The following OR8D1 variants were observed in gnomAD, a reference collection of about 807,000 sequenced individuals.
OR8D1 encodes the protein olfactory receptor family 8 subfamily D member 1, also known as olfactory receptor 8D1.
For missense variants in OR8D1, 384 were observed against 366.8 expected (o/e 1.05, Z -0.38); for synonymous variants, 143 against 147.0 (o/e 0.97, Z 0.20).
rs1460971529 is a variant in OR8D1, at chr11:124,310,010, C to G, written c.757G>C (p.Gly253Arg). 1.2e-6 allele frequency: 2 copies of G among 1,600,180 alleles called. No individual in the cohort carries two copies. The highest frequency in any genetic ancestry group is 1.3e-5 in the African/African-American group (1 of 74,316). Residue 253 changes from glycine to arginine, a missense_variant, in exon 3 of 3, where the codon GGG becomes CGG. Gly to Arg is a moderately radical substitution (Grantham distance 125). Coordinates refer to ENST00000641015, the MANE Select transcript of OR8D1 (RefSeq NM_001002917.2). ...TTGAAATACATGAAGGTAATGGACCCAAAGAAGATCACCACAGCCATGAGA... is the reference window on the plus strand; with the variant it reads ...TTGAAATACATGAAGGTAATGGACCGAAAGAAGATCACCACAGCCATGAGA... The part of the protein sequence containing the change: ...SHLMAVVIFF[G>R]SITFMYFKPP...
rs201259313 is a variant in OR8D1 at position 124,310,636 on chromosome 11, C to T, written c.131G>A (p.Gly44Asp). The stretch of plus-strand genomic sequence containing the variant: ...GCTGACTGCAATCAGGAGAATCATG[C>T]CCAGGTTGCCCACTACTGTGACCAC... ...IYVVTVVGNLGMILLIAVSPL... is the reference protein window; with the variant it reads ...IYVVTVVGNLDMILLIAVSPL... The change falls in exon 3 of 3, where the codon GGC becomes GAC. Residue 44 changes from glycine to aspartate, a missense_variant. Physicochemically the swap from Gly to Asp is moderately conservative, Grantham distance 94. Transcript: ENST00000641015. 5.6e-6 allele frequency: 9 copies of T among 1,613,834 alleles called. No homozygotes were observed. The highest frequency in any genetic ancestry group is 7.6e-6 in the Non-Finnish European group (9 of 1,179,868).
chr11:124,303,753 T>G lies in OR8D1; in HGVS notation c.*6087A>C, dbSNP rs1862344181. ...TTTCTTATTTTTATATTATAATCAT[T>G]TCAAAATAATTACATATAGCAAAAT... On this transcript the variant is annotated 3_prime_UTR_variant, in exon 3 of 3. Coordinates refer to ENST00000641015, the MANE Select transcript of OR8D1 (RefSeq NM_001002917.2). 1 of 152,074 alleles carries G rather than the reference T, an allele frequency of 6.6e-6. No homozygotes were observed. The highest frequency in any genetic ancestry group is 2.4e-5 in the African/African-American group (1 of 41,544). The allele number at this position is 152,074 out of a possible 1,614,324, so 9.4% of individuals were successfully genotyped here.
In OR8D1 at chr11:124,309,826, C is replaced by A; in HGVS notation, c.*14G>T. On this transcript the variant is annotated 3_prime_UTR_variant, in exon 3 of 3. Transcript: ENST00000641015. The stretch of plus-strand genomic sequence containing the variant: ...TATTCATTTTTCCCATCTATAAATC[C>A]CCCAAATCAGGACTCATTTTCCTAC... 7.2e-7 allele frequency: 1 copy of A among 1,384,790 alleles called. No individual in the cohort carries two copies. The highest frequency in any genetic ancestry group is 2.2e-5 in the South Asian group (1 of 44,914). 85.8% of individuals were successfully genotyped at this position (1,384,790 alleles called of 1,614,324 possible). A position where few individuals can be genotyped will look rare whatever the true frequency, so the allele number is the denominator to read the frequency against.
chr11:124,310,798 G>A lies in OR8D1; in HGVS notation c.-16-16C>T. 6.5e-7 allele frequency: 1 copy of A among 1,541,172 alleles called. No homozygotes were observed. Among genetic ancestry groups the A allele is most frequent in the South Asian group, 1.2e-5 (1 of 84,352 alleles). The stretch of plus-strand genomic sequence containing the variant: ...TTAGGCATTTCTGTGAAAATAGAAA[G>A]TATGAATTACCTTAACATGGACCCT... On this transcript the variant is annotated splice_polypyrimidine_tract_variant and intron_variant, in intron 2 of 2. Transcript: ENST00000641015.
rs1862383169 is a variant in OR8D1 at position 124,308,154 on chromosome 11, C to G, written c.*1686G>C. 6.6e-6 allele frequency: 1 copy of G among 151,830 alleles called. No individual in the cohort carries two copies. Among genetic ancestry groups the G allele is most frequent in the East Asian group, 1.9e-4 (1 of 5,180 alleles). The allele number at this position is 151,830 out of a possible 1,614,324, so 9.4% of individuals were successfully genotyped here. A position where few individuals can be genotyped will look rare whatever the true frequency, so the allele number is the denominator to read the frequency against. On this transcript the variant is annotated 3_prime_UTR_variant, in exon 3 of 3. Coordinates refer to ENST00000641015, the MANE Select transcript of OR8D1 (RefSeq NM_001002917.2). Reference sequence around the variant, plus strand: ...GAAAGAATGCTTCAGTTTTATAACCCTAACAAGAGCAGAAGAAAAATGAGA... The same window carrying G: ...GAAAGAATGCTTCAGTTTTATAACCGTAACAAGAGCAGAAGAAAAATGAGA...
chr11:124,311,337 AG>A (rs1293037418), intron 2 of OR8D1, among the ~76,000 whole-genome samples: 2 of 152,124 alleles, frequency 1.3e-5, no homozygotes, highest in African/African-American at 4.8e-5. Context: ...CAGAAGTGGG[AG>A]TCTCCACATA....
rs1862372328 is a variant in OR8D1 at position 124,306,768 on chromosome 11, A to C, written c.*3072T>G. The C allele has an allele frequency of 6.6e-6, 1 of 151,886 alleles. No homozygotes were observed. The highest frequency in any genetic ancestry group is 2.4e-5 in the African/African-American group (1 of 41,376). 9.4% of individuals were successfully genotyped at this position (151,886 alleles called of 1,614,324 possible). On this transcript the variant is annotated 3_prime_UTR_variant, in exon 3 of 3. Transcript: ENST00000641015. Reference sequence around the variant, plus strand: ...TCTGTTTTTCTAAATCCTAGGGTATATGTAGGAAGAATGAGACACCTCTCC... The same window carrying C: ...TCTGTTTTTCTAAATCCTAGGGTATCTGTAGGAAGAATGAGACACCTCTCC...
In OR8D1 at chr11:124,310,577, T is replaced by A; in HGVS notation, c.190A>T (p.Ser64Cys). The change falls in exon 3 of 3, where the codon AGC becomes TGC. Residue 64 changes from serine (S) to cysteine (C), a missense_variant. Ser to Cys is a moderately radical substitution (Grantham distance 112, BLOSUM62 -1). Transcript: ENST00000641015. ...CAGAAATCGACGAAGGACAAGCTGC[T>A]GAGGAAATAGTACATGGGGGTGTGA... ...LLHTPMYYFL[S>C]SLSFVDFCYS... The A allele has an allele frequency of 6.2e-7, 1 of 1,613,914 alleles. No homozygotes were observed. Among genetic ancestry groups the A allele is most frequent in the Non-Finnish European group, 8.5e-7 (1 of 1,179,942 alleles).
rs1047207338 is a variant in OR8D1 at position 124,304,710 on chromosome 11, C to G, written c.*5130G>C. ...TGAAATGGCCTAATGTATTTGTAAG[C>G]CCTAGTATACAGTTCATATAAAGTT... is the stretch of plus-strand genomic sequence containing the variant. On this transcript the variant is annotated 3_prime_UTR_variant, in exon 3 of 3. Transcript: ENST00000641015. 6.6e-6 allele frequency: 1 copy of G among 151,606 alleles called. No individual in the cohort carries two copies. The highest frequency in any genetic ancestry group is 1.5e-5 in the Non-Finnish European group (1 of 67,828). 9.4% of individuals were successfully genotyped at this position (151,606 alleles called of 1,614,324 possible). A position where few individuals can be genotyped will look rare whatever the true frequency, so the allele number is the denominator to read the frequency against.
chr11:124,309,858 C>A lies in OR8D1; in HGVS notation c.909G>T (p.Lys303Asn). The change falls in exon 3 of 3, where the codon AAG becomes AAT. Residue 303 changes from lysine (K) to asparagine (N), a missense_variant. Transcript: ENST00000641015. Reference sequence around the variant, plus strand: ...TCAGGACTCATTTTCCTACTAAGACCTTCCTTAATGCTTTCTTCACATCCT... The same window carrying A: ...TCAGGACTCATTTTCCTACTAAGACATTCCTTAATGCTTTCTTCACATCCT... ...RNKDVKKALR[K>N]VLVGK 6.9e-7 allele frequency: 1 copy of A among 1,451,106 alleles called. No homozygotes were observed. The highest frequency in any genetic ancestry group is 9.1e-7 in the Non-Finnish European group (1 of 1,098,128). The allele number at this position is 1,451,106 out of a possible 1,614,324, so 89.9% of individuals were successfully genotyped here. A position where few individuals can be genotyped will look rare whatever the true frequency, so the allele number is the denominator to read the frequency against.
Position 124,309,827 on chromosome 11 carries a change from C to A in OR8D1, c.*13G>T, listed in dbSNP as rs951205238. The A allele has an allele frequency of 1.4e-6, 2 of 1,392,678 alleles. No individual in the cohort carries two copies. Among genetic ancestry groups the A allele is most frequent in the East Asian group, 2.4e-5 (1 of 42,388 alleles). 86.3% of individuals were successfully genotyped at this position (1,392,678 alleles called of 1,614,324 possible). On this transcript the variant is annotated 3_prime_UTR_variant, in exon 3 of 3. Transcript: ENST00000641015. ...ATTCATTTTTCCCATCTATAAATCC[C>A]CCAAATCAGGACTCATTTTCCTACT...
In OR8D1 at chr11:124,306,780, T is replaced by A. The variant is rs1862372449; in HGVS notation, c.*3060A>T. The A allele has an allele frequency of 6.6e-6, 1 of 152,142 alleles. No individual in the cohort carries two copies. The highest frequency in any genetic ancestry group is 6.6e-5 in the Admixed American group (1 of 15,248). 9.4% of individuals were successfully genotyped at this position (152,142 alleles called of 1,614,324 possible). A position where few individuals can be genotyped will look rare whatever the true frequency, so the allele number is the denominator to read the frequency against. On this transcript the variant is annotated 3_prime_UTR_variant, in exon 3 of 3. Transcript: ENST00000641015. ...AATCCTAGGGTATATGTAGGAAGAA[T>A]GAGACACCTCTCCTGGCTTCTGATG...
Position 124,303,677 on chromosome 11 carries a change from G to T in OR8D1, c.*6163C>A, listed in dbSNP as rs1383399313. 6.6e-6 allele frequency: 1 copy of T among 151,794 alleles called. No homozygotes were observed. The allele number at this position is 151,794 out of a possible 1,614,324, so 9.4% of individuals were successfully genotyped here. On this transcript the variant is annotated 3_prime_UTR_variant, in exon 3 of 3. Transcript: ENST00000641015. ...AGTTTTTTAATGTGGCTGTATTTAT[G>T]ATTCATTTTCTTTAAAAATTATGCT...
rs1438466347 is a variant in OR8D1, at chr11:124,310,351, C to G, written c.416G>C (p.Trp139Ser). ...AGCCAGCACTAGCAGTGAGCAGACC[C>G]ATGAGGACATGATCGCATTATAAAG... ...PLLYNAIMSS[W>S]VCSLLVLAAF... The change falls in exon 3 of 3, where the codon TGG becomes TCG. Residue 139 changes from tryptophan to serine, a missense_variant. Trp to Ser is a radical substitution (Grantham distance 177, BLOSUM62 -3). Coordinates refer to ENST00000641015, the MANE Select transcript of OR8D1 (RefSeq NM_001002917.2). 4 of 1,613,648 alleles carry G rather than the reference C, an allele frequency of 2.5e-6. No homozygotes were observed. The highest frequency in any genetic ancestry group is 3.4e-6 in the Non-Finnish European group (4 of 1,179,894).
At position 124,310,492 on chromosome 11, in the gene OR8D1, A is replaced by G. The variant is rs959503253; in HGVS notation, c.275T>C (p.Ile92Thr). 51 of 1,613,702 alleles carry G rather than the reference A, an allele frequency of 3.2e-5. No individual in the cohort carries two copies. Among genetic ancestry groups the G allele is most frequent in the Non-Finnish European group, 4.2e-5 (50 of 1,179,928 alleles). ...LVNFLGKKNT[I>T]LYSECMVQLF... is the part of the protein sequence containing the mutation. ...CTGGACCATGCACTCAGAGTAAAGG[A>G]TTGTATTCTTCTTTCCTAGGAAGTT... The change falls in exon 3 of 3, where the codon ATC (isoleucine) becomes ACC (threonine). Residue 92 changes from isoleucine (I) to threonine (T), a missense_variant. Coordinates refer to ENST00000641015, the MANE Select transcript of OR8D1 (RefSeq NM_001002917.2).
Position 124,307,814 on chromosome 11 carries a change from G to A in OR8D1, c.*2026C>T, listed in dbSNP as rs1458598340. On this transcript the variant is annotated 3_prime_UTR_variant, in exon 3 of 3. Coordinates refer to ENST00000641015, the MANE Select transcript of OR8D1 (RefSeq NM_001002917.2). The stretch of plus-strand genomic sequence containing the variant: ...CTTGAGGGTTAACTCTCACCAAATG[G>A]TCTCAAGCTCTCCCTGGATTTGTTA... 6.6e-6 allele frequency: 1 copy of A among 152,052 alleles called. No individual in the cohort carries two copies. The highest frequency in any genetic ancestry group is 2.4e-5 in the African/African-American group (1 of 41,414). 9.4% of individuals were successfully genotyped at this position (152,052 alleles called of 1,614,324 possible). A position where few individuals can be genotyped will look rare whatever the true frequency, so the allele number is the denominator to read the frequency against.
At chr11:124,313,265 G>T (rs1312656017) in intron 1 of OR8D1, among the ~76,000 whole-genome samples, 1 of 141,876 alleles carries the variant, frequency 7.0e-6, no homozygotes, top group Non-Finnish European at 1.5e-5. Context: ...AAGGAGGGAA[G>T]GAAGGAGAGA....
rs543948931 is a variant in OR8D1, at chr11:124,305,482, A to G, written c.*4358T>C. The G allele has an allele frequency of 6.6e-6, 1 of 151,968 alleles. No individual in the cohort carries two copies. Among genetic ancestry groups the G allele is most frequent in the Admixed American group, 6.6e-5 (1 of 15,226 alleles). 9.4% of individuals were successfully genotyped at this position (151,968 alleles called of 1,614,324 possible). A position where few individuals can be genotyped will look rare whatever the true frequency, so the allele number is the denominator to read the frequency against. ...AAAGTTTGTATACAGTTCAAAAAAA[A>G]AAGAAAATGACCAATTGTACAAGTC... On this transcript the variant is annotated 3_prime_UTR_variant, in exon 3 of 3. Transcript: ENST00000641015.
rs148332664 is a variant in OR8D1 at position 124,309,883 on chromosome 11, T to G, written c.884A>C (p.Lys295Thr). 9 of 1,496,272 alleles carry G rather than the reference T, an allele frequency of 6.0e-6. No individual in the cohort carries two copies. In the African/African-American group the frequency reaches 8.4e-5, roughly 14 times the overall value. The allele number at this position is 1,496,272 out of a possible 1,614,324, so 92.7% of individuals were successfully genotyped here. ...LNPLIYSLRN[K>T]DVKKALRKVL... ...CTTCCTTAATGCTTTCTTCACATCC[T>G]TATTCCTCAGACTGTATATTAAAGG... The change falls in exon 3 of 3, where the codon AAG becomes ACG. Residue 295 changes from lysine to threonine, a missense_variant. Transcript: ENST00000641015.
Sources: gnomAD v4.1 joint callset for allele counts (sites outside exome capture counted in the v4.1 genomes callset) on GRCh38, gnomAD v4.1.1 for gene constraint, MANE v1.5 for transcripts, NCBI Gene and HGNC (gene_info 2026-07-23, HGNC 2026-07-21) for gene names.